Variants in TBCD observed in about 807,000 individuals in gnomAD.
TBCD encodes the protein tubulin-specific chaperone D.
Under a neutral mutation model 169.3 loss-of-function variants are expected in TBCD, and 105 were observed. The ratio of observed to expected loss-of-function variants is 0.62; its 90% CI spans 0.53 to 0.73. The LOEUF (loss-of-function observed/expected upper bound fraction) is 0.73. Among genes scored for constraint, TBCD ranks in the 30% least tolerant of loss-of-function variants. The pLI is 0.00. For synonymous variants in TBCD, 700 were observed against 643.9 expected, an observed-to-expected ratio of 1.09 and a Z score of -1.32; for missense variants, 1,444 against 1,600.1, an observed-to-expected ratio of 0.90 and a Z score of 1.66.
chr17:82,870,463 C>T lies in TBCD; in HGVS notation c.1475+83C>T. On this transcript the variant is annotated intron_variant, in intron 14 of 38. Transcript: ENST00000355528. ...TCGTTTCCTCCATGAGAGGTGTGCA[C>T]AGCAGATGCTCGTGAAAAGGTGAAA... The T allele has an allele frequency of 2.7e-6, 4 of 1,491,618 alleles. No individual in the cohort carries two copies. In the South Asian group the frequency reaches 5.0e-5, roughly 19 times the overall value. The allele number at this position is 1,491,618 out of a possible 1,614,324, so 92.4% of individuals were successfully genotyped here. A position where few individuals can be genotyped will look rare whatever the true frequency, so the allele number is the denominator to read the frequency against.
chr17:82,753,906 C>T (rs1374222283), intron 1 of TBCD, among the ~76,000 whole-genome samples: 1 of 145,010 alleles, frequency 6.9e-6, no homozygotes, highest in South Asian at 2.2e-4. Flanking sequence ...CTCACTTTGT[C>T]CCCCAGGGTG....
At chr17:82,837,505 T>C (rs1309033758) in intron 13 of TBCD, among the ~76,000 whole-genome samples, 1 of 151,874 alleles carries the variant, frequency 6.6e-6, no homozygotes, top group Admixed American at 6.6e-5. Flanking sequence ...CTGGGGGAGG[T>C]GTGTTTCCAT....
Position 82,818,975 on chromosome 17 carries a change from G to A in TBCD, c.1318+4041G>A, listed in dbSNP as rs147400708. Among the ~76,000 whole-genome samples, 1,118 of 152,146 alleles carry A rather than the reference G, an allele frequency of 7.3e-3. 12 individuals carry two copies. Among genetic ancestry groups the A allele is most frequent in the African/African-American group, 0.026 (1,079 of 41,506 alleles). On this transcript the variant is annotated intron_variant, in intron 13 of 38. Transcript: ENST00000355528. ...CGGGAGGCTGAGGCAGAAGAATCGC[G>A]TGAACCCAGGAGGCAGAGGTTGCAG...
At chr17:82,807,767 C>A in intron 11 of TBCD, 99 bp downstream of exon 11, 2 of 941,070 alleles carry the variant, frequency 2.1e-6, no homozygotes, top group South Asian at 3.0e-5. Context: ...AGTGGCAGCG[C>A]GGCCCCCTCC....
chr17:82,832,316 C>T lies in TBCD; in HGVS notation c.1318+17382C>T. 8 of 1,614,192 alleles carry T rather than the reference C, an allele frequency of 5.0e-6. No individual in the cohort carries two copies. The highest frequency in any genetic ancestry group is 1.1e-5 in the South Asian group (1 of 91,082). On this transcript the variant is annotated intron_variant, in intron 13 of 38. Coordinates refer to ENST00000355528, the MANE Select transcript of TBCD (RefSeq NM_005993.5). The surrounding 1 kb of genome is among the most constrained non-coding windows in gnomAD (Gnocchi z 4.9). ...AAAGTAATCGAGTTTTTACAAAGAC[C>T]ATACTTCATGTGATTAAAAAGATGT...
intron 38 of TBCD, 166 bp from the exon 39 acceptor site, chr17:82,942,283 G>C: frequency 5.3e-6 from 5 of 940,160 alleles, no homozygotes; most frequent in Non-Finnish European, 8.0e-6. Context: ...ATGAGCACCT[G>C]TCAGCCACAT....
At chr17:82,924,394 C>G (rs963843612) in intron 26 of TBCD, among the ~76,000 whole-genome samples, 2 of 152,228 alleles carry the variant, frequency 1.3e-5, no homozygotes, top group Non-Finnish European at 2.9e-5. Flanking sequence ...AGCTGCTGTG[C>G]CGCCTCACTG....
At chr17:82,850,564 TG>T (rs1357086361) in intron 13 of TBCD, among the ~76,000 whole-genome samples, 5 of 149,388 alleles carry the variant, frequency 3.3e-5, no homozygotes, top group South Asian at 2.2e-4. Context: ...GCTGTGCTGT[TG>T]TTGGCTGTGC....
At chr17:82,844,373 C>T (rs78019484) in intron 13 of TBCD, among the ~76,000 whole-genome samples, 4,138 of 152,154 alleles carry the variant, frequency 0.027, 211 homozygotes, top group African/African-American at 0.093. Context: ...CCTGCATCGT[C>T]AGTGTGGCTG....
At chr17:82,803,824 C>G (rs898133858) in intron 9 of TBCD, among the ~76,000 whole-genome samples, 1 of 145,732 alleles carries the variant, frequency 6.9e-6, no homozygotes, top group South Asian at 2.3e-4. Context: ...TGCGCGCTTG[C>G]GTGAGGAGAA....
At chr17:82,936,890 C>T (rs559309131) in intron 34 of TBCD, among the ~76,000 whole-genome samples, 4 of 152,320 alleles carry the variant, frequency 2.6e-5, no homozygotes, top group Admixed American at 6.5e-5. Flanking sequence ...CAGTTTCCCC[C>T]GGCTCTGCAG....
At chr17:82,825,021 A>G (rs1372325711) in intron 13 of TBCD, among the ~76,000 whole-genome samples, 2 of 152,106 alleles carry the variant, frequency 1.3e-5, no homozygotes, top group Admixed American at 6.6e-5. Context: ...CCTGGTTGCA[A>G]TGGGTGAGCT....
intron 3 of TBCD, 65 bp from the exon 4 acceptor site, chr17:82,766,202 G>A: frequency 2.9e-6 from 4 of 1,385,338 alleles, no homozygotes; most frequent in Non-Finnish European, 4.0e-6. Flanking sequence ...TGAAAGGGTA[G>A]AAAGGCAATT....
At chr17:82,829,999 GTT>G in intron 13 of TBCD, 5 of 354,034 alleles carry the variant, frequency 1.4e-5, no homozygotes, top group South Asian at 1.1e-4. Flanking sequence ...AGGGTTTTTT[GTT>G]TGTTTGTTTG....
chr17:82,889,571 G>A lies in TBCD; in HGVS notation c.1534-97G>A, dbSNP rs929581806. On this transcript the variant is annotated intron_variant, in intron 15 of 38. Transcript: ENST00000355528. This position sits in a 1 kb window ranked among gnomAD's most constrained non-coding sequence, Gnocchi z 5.3. ...GGGCTTTTATTTAAAAAATAAAGCCGTGGGTCATTCACGTTGTGCTGTTTG... is the reference window on the plus strand; with the variant it reads ...GGGCTTTTATTTAAAAAATAAAGCCATGGGTCATTCACGTTGTGCTGTTTG... 6.2e-6 allele frequency: 9 copies of A among 1,448,114 alleles called. No individual in the cohort carries two copies. Among genetic ancestry groups the A allele is most frequent in the South Asian group, 2.3e-5 (2 of 85,164 alleles). 89.7% of individuals were successfully genotyped at this position (1,448,114 alleles called of 1,614,324 possible).
At chr17:82,794,256 G>T (rs75596709) in intron 7 of TBCD, among the ~76,000 whole-genome samples, 10,518 of 146,762 alleles carry the variant, frequency 0.072, 553 homozygotes, top group Non-Finnish European at 0.11. Flanking sequence ...ACATGCCCCA[G>T]GGGGGGGAAG....
chr17:82,930,585 C>A lies in TBCD; in HGVS notation c.3055C>A (p.Leu1019Met). The A allele has an allele frequency of 6.2e-7, 1 of 1,613,910 alleles. No individual in the cohort carries two copies. Among genetic ancestry groups the A allele is most frequent in the Non-Finnish European group, 8.5e-7 (1 of 1,179,874 alleles). ...GGGCATTCAGAGCGACCCGCAGGCC[C>A]TGGGCAGCTTCAGCGGGACCCTTCT... Reference protein sequence around the residue: ...MKGIQSDPQALGSFSGTLLQI... With the variant: ...MKGIQSDPQAMGSFSGTLLQI... Residue 1019 changes from leucine to methionine, a missense_variant, in exon 33 of 39, where the codon CTG becomes ATG. Leu to Met is a conservative substitution (Grantham distance 15). Transcript: ENST00000355528. This position sits in a 1 kb window ranked among gnomAD's most constrained non-coding sequence, Gnocchi z 5.2.
chr17:82,757,304 TTGTTC>T (rs1206625210), intron 2 of TBCD, among the ~76,000 whole-genome samples: 3 of 152,338 alleles, frequency 2.0e-5, no homozygotes, highest in African/African-American at 7.2e-5. Flanking sequence ...GCTGTGCATC[TTGTTC>T]TGTTTTTTTT....
intron 7 of TBCD, among the ~76,000 whole-genome samples, chr17:82,788,618 C>G (rs2049477627): frequency 6.6e-6 from 1 of 152,224 alleles, no homozygotes; most frequent in Non-Finnish European, 1.5e-5. Context: ...CTGGCACTGT[C>G]AGCCTCACTC....
Sources: allele counts gnomAD v4.1 joint callset (sites outside exome capture counted in the v4.1 genomes callset), GRCh38; gene constraint gnomAD v4.1.1; non-coding constraint Gnocchi (gnomAD v3.1); transcripts MANE v1.5; gene names NCBI Gene and HGNC (gene_info 2026-07-23, HGNC 2026-07-21).